The following KCNIP4 variants were observed in gnomAD, a reference collection of about 807,000 sequenced individuals.
KCNIP4 encodes the protein Kv channel-interacting protein 4.
In KCNIP4, 12 loss-of-function variants were observed where a neutral mutation model predicts 34.0. The observed-to-expected ratio is 0.35, with a 90% CI of 0.23 to 0.57. The LOEUF is 0.57. Ranked by LOEUF, KCNIP4 falls within the 20% of genes least tolerant of loss-of-function variation. The pLI is 0.83. For missense variants in KCNIP4, 238 were observed against 311.7 expected, an observed-to-expected ratio of 0.76 and a Z score of 1.78; for synonymous variants, 124 against 102.2, an observed-to-expected ratio of 1.21 and a Z score of -1.29.
chr4:21,314,190 C>T (rs1713485749), intron 1 of KCNIP4, among the ~76,000 whole-genome samples: 1 of 152,286 alleles, frequency 6.6e-6, no homozygotes, highest in Middle Eastern at 3.4e-3. Flanking sequence ...TCTTTCAATG[C>T]TAGCAAGAAA....
chr4:21,735,084 G>A (rs1210358550), intron 1 of KCNIP4, among the ~76,000 whole-genome samples: 1 of 152,050 alleles, frequency 6.6e-6, no homozygotes, highest in Non-Finnish European at 1.5e-5. Context: ...AAATTCAACA[G>A]TGAGATAACA....
chr4:21,516,403 A>G (rs1305373608), intron 1 of KCNIP4, among the ~76,000 whole-genome samples: 1 of 152,252 alleles, frequency 6.6e-6, no homozygotes, highest in African/African-American at 2.4e-5. Flanking sequence ...CACAACAATC[A>G]CCCTTTTCCT....
At chr4:21,717,605 G>C (rs1026966137) in intron 1 of KCNIP4, among the ~76,000 whole-genome samples, 2 of 152,088 alleles carry the variant, frequency 1.3e-5, no homozygotes, top group Admixed American at 6.6e-5. Context: ...GGTAGCCTAG[G>C]ACTGGAGCAA....
intron 1 of KCNIP4, among the ~76,000 whole-genome samples, chr4:21,826,998 A>T (rs956927056): frequency 6.6e-6 from 1 of 152,102 alleles, no homozygotes; most frequent in Non-Finnish European, 1.5e-5. Context: ...AATTGTCATG[A>T]AAACAAATCT....
chr4:21,370,453 A>G (rs1247426385), intron 1 of KCNIP4, among the ~76,000 whole-genome samples: 10 of 146,260 alleles, frequency 6.8e-5, no homozygotes, highest in Non-Finnish European at 1.5e-4. Flanking sequence ...GAGACACCCA[A>G]AGTAAAATTA....
intron 1 of KCNIP4, among the ~76,000 whole-genome samples, chr4:21,344,323 A>C (rs2109354690): frequency 6.6e-6 from 1 of 152,270 alleles, no homozygotes; most frequent in Admixed American, 6.5e-5. Context: ...GGGAAAGGAA[A>C]GGTCAAGAGA....
chr4:21,256,356 T>G (rs6833296), intron 1 of KCNIP4, among the ~76,000 whole-genome samples: 119,077 of 150,554 alleles, frequency 0.79, 48,077 homozygotes, highest in African/African-American at 0.95. Context: ...CATTCCGGGA[T>G]GATGGCTTGA....
intron 1 of KCNIP4, among the ~76,000 whole-genome samples, chr4:21,086,414 G>C (rs1378211936): frequency 6.6e-6 from 1 of 152,028 alleles, no homozygotes; most frequent in African/African-American, 2.4e-5. Flanking sequence ...GTGCCTGGTA[G>C]GTATTGGATT....
intron 1 of KCNIP4, among the ~76,000 whole-genome samples, chr4:20,994,079 C>A (rs929533437): frequency 6.6e-6 from 1 of 152,160 alleles, no homozygotes; most frequent in African/African-American, 2.4e-5. Context: ...ATCCACCATA[C>A]AATTCTTATT....
At chr4:21,829,392 C>A (rs1388080504) in intron 1 of KCNIP4, among the ~76,000 whole-genome samples, 1 of 152,038 alleles carries the variant, frequency 6.6e-6, no homozygotes, top group East Asian at 1.9e-4. Context: ...GATGGGTACA[C>A]ATCTCTATTA....
At chr4:21,139,539 C>T (rs1373154784) in intron 1 of KCNIP4, among the ~76,000 whole-genome samples, 6 of 152,182 alleles carry the variant, frequency 3.9e-5, no homozygotes, top group Admixed American at 3.9e-4. Context: ...TCAGGGATGG[C>T]TTCAGCTGTA....
In KCNIP4 at chr4:21,739,648, A is replaced by G. The variant is rs138625917; in HGVS notation, c.61+208923T>C. On this transcript the variant is annotated intron_variant, in intron 1 of 8. Transcript: ENST00000382152. ...TACTTTCAAGAAATAAATGAATTAC[A>G]TATGCTCAGAAAACTCCCAATGCTA... Among the ~76,000 whole-genome samples, 96 of 152,196 alleles carry G rather than the reference A, an allele frequency of 6.3e-4. No individual in the cohort carries two copies. In the Middle Eastern group the frequency reaches 0.017, roughly 27 times the overall value.
At chr4:21,093,313 T>C (rs1454441289) in intron 1 of KCNIP4, among the ~76,000 whole-genome samples, 1 of 152,200 alleles carries the variant, frequency 6.6e-6, no homozygotes, top group Non-Finnish European at 1.5e-5. Context: ...AGCCCTTAAT[T>C]ACAATTACAA....
At chr4:21,064,635 C>A (rs988714409) in intron 1 of KCNIP4, among the ~76,000 whole-genome samples, 3 of 151,920 alleles carry the variant, frequency 2.0e-5, no homozygotes, top group African/African-American at 7.3e-5. Context: ...ATGGAAAGAA[C>A]TTATATAGAA....
intron 1 of KCNIP4, among the ~76,000 whole-genome samples, chr4:21,478,999 C>G (rs1393045393): frequency 6.6e-6 from 1 of 152,168 alleles, no homozygotes; most frequent in Non-Finnish European, 1.5e-5. Flanking sequence ...ATCATTTCCA[C>G]AAATACATAC....
intron 1 of KCNIP4, among the ~76,000 whole-genome samples, chr4:21,169,571 G>T (rs1169204907): frequency 6.6e-6 from 1 of 151,780 alleles, no homozygotes; most frequent in Non-Finnish European, 1.5e-5. Context: ...AGTAAATGAG[G>T]TTCTAATGCT....
chr4:21,796,510 C>T (rs1720634562), intron 1 of KCNIP4, among the ~76,000 whole-genome samples: 1 of 152,102 alleles, frequency 6.6e-6, no homozygotes, highest in Non-Finnish European at 1.5e-5. Flanking sequence ...ATTTAACTTG[C>T]GTGAGAGAAA....
At chr4:21,893,437 A>G (rs1222660974) in intron 1 of KCNIP4, among the ~76,000 whole-genome samples, 1 of 152,178 alleles carries the variant, frequency 6.6e-6, no homozygotes. Flanking sequence ...GGACTTATAA[A>G]ATTGCTAGAC....
chr4:21,365,522 TAAAA>T (rs1158843915), intron 1 of KCNIP4, among the ~76,000 whole-genome samples: 1 of 113,444 alleles, frequency 8.8e-6, no homozygotes, highest in African/African-American at 3.8e-5. Flanking sequence ...AATAAATAAA[TAAAA>T]AATAAAGAAA....
Sources: allele counts gnomAD v4.1 joint callset (sites outside exome capture counted in the v4.1 genomes callset), GRCh38; gene constraint gnomAD v4.1.1; transcripts MANE v1.5; gene names NCBI Gene and HGNC (gene_info 2026-07-23, HGNC 2026-07-21).